GULP1: variants seen among roughly 807,000 people sequenced by gnomAD.
GULP1 encodes the protein GULP PTB domain containing engulfment adaptor 1.
A neutral mutation model predicts 40.9 loss-of-function variants in GULP1; 19 were observed. The observed-to-expected ratio is 0.46, with a 90% CI of 0.32 to 0.68. The LOEUF (loss-of-function observed/expected upper bound fraction) is 0.68, where lower values mean the gene tolerates loss of function less well. GULP1 is among the 30% of genes least tolerant of loss of function. The pLI is 0.03. For synonymous variants in GULP1, 119 were observed against 117.6 expected (o/e 1.01, Z -0.08); for missense variants, 312 against 362.2 (o/e 0.86, Z 1.12).
intron 11 of GULP1, chr2:188,591,831 T>G (rs964525425): frequency 1.6e-4 from 25 of 151,872 alleles, no homozygotes; most frequent in Non-Finnish European, 3.2e-4. Context: ...ATAAGAAAAT[T>G]CATCAAAATC....
chr2:188,400,288 A>C (rs548781789), intron 2 of GULP1, among the ~76,000 whole-genome samples: 1 of 152,246 alleles, frequency 6.6e-6, no homozygotes, highest in African/African-American at 2.4e-5. Context: ...CATTGTATTT[A>C]GGGCCCATCC....
intron 9 of GULP1, chr2:188,582,448 C>T: frequency 2.1e-6 from 1 of 471,736 alleles, no homozygotes; most frequent in South Asian, 1.5e-5. Flanking sequence ...TTTCTTCCAT[C>T]TCTGTCACTC....
intron 2 of GULP1, among the ~76,000 whole-genome samples, chr2:188,431,130 C>T (rs939572664): frequency 1.3e-5 from 2 of 152,030 alleles, no homozygotes; most frequent in East Asian, 1.9e-4. Flanking sequence ...TGAGCTTTTT[C>T]GTTGATTTTT....
At position 188,513,846 on chromosome 2, in the gene GULP1, G is replaced by A. The variant is rs191185390; in HGVS notation, c.91-8910G>A. Among the ~76,000 whole-genome samples the A allele has an allele frequency of 3.3e-5, 5 of 152,098 alleles. No individual in the cohort carries two copies. The East Asian group carries it at 9.7e-4, about 29-fold the overall frequency. On this transcript the variant is annotated intron_variant, in intron 4 of 11. Coordinates refer to ENST00000409830, the MANE Select transcript of GULP1 (RefSeq NM_016315.4). ...CTTGAATAACACTCTTTGATTCAAT[G>A]TTGTTTTATTCCATGTTATTGGTTA...
At position 188,529,107 on chromosome 2, in the gene GULP1, A is replaced by G. The variant is rs1305803984; in HGVS notation, c.173A>G (p.His58Arg). ...ATTTTTCATTCGTAGTTTGCAAGAC[A>G]TATCAAGAAATCTGAAGGCCAGAAA... The part of the protein sequence containing the change: ...DAVRKLKFAR[H>R]IKKSEGQKIP... Residue 58 changes from histidine (H) to arginine (R), a missense_variant, in exon 6 of 12, where the codon CAT (histidine) becomes CGT (arginine). By Grantham distance (29) the His-to-Arg change is conservative. Transcript: ENST00000409830. 6.7e-7 allele frequency: 1 copy of G among 1,488,844 alleles called. No individual in the cohort carries two copies. The highest frequency in any genetic ancestry group is 2.3e-5 in the East Asian group (1 of 43,864). 92.2% of individuals were successfully genotyped at this position (1,488,844 alleles called of 1,614,324 possible).
At chr2:188,541,920 CA>C in intron 7 of GULP1, 1 of 153,152 alleles carries the variant, frequency 6.5e-6, no homozygotes, top group Non-Finnish European at 1.5e-5. Context: ...CCATCCTGAC[CA>C]AAATGGTGAA....
At chr2:188,436,755 G>C (rs1267249359) in intron 2 of GULP1, among the ~76,000 whole-genome samples, 1 of 151,964 alleles carries the variant, frequency 6.6e-6, no homozygotes, top group Non-Finnish European at 1.5e-5. Flanking sequence ...TATGTGTTCT[G>C]TAAGAATATA....
intron 8 of GULP1, chr2:188,569,570 T>A: frequency 2.1e-6 from 1 of 477,964 alleles, no homozygotes; most frequent in Non-Finnish European, 3.7e-6. Context: ...AAGAACTTAG[T>A]GTTCTCATGT....
At chr2:188,445,973 T>A (rs2152892425) in intron 2 of GULP1, among the ~76,000 whole-genome samples, 1 of 152,220 alleles carries the variant, frequency 6.6e-6, no homozygotes, top group African/African-American at 2.4e-5. Context: ...GATCACAGAT[T>A]TACATATGGT....
intron 2 of GULP1, among the ~76,000 whole-genome samples, chr2:188,435,150 C>T (rs984572184): frequency 8.6e-5 from 13 of 151,982 alleles, no homozygotes; most frequent in Non-Finnish European, 1.5e-5. Flanking sequence ...CACTCTTATT[C>T]CAGTTTGTCT....
At chr2:188,477,801 G>T (rs2061136441) in intron 3 of GULP1, 71 bp downstream of exon 3, 1 of 1,188,540 alleles carries the variant, frequency 8.4e-7, no homozygotes, top group Admixed American at 2.3e-5. Flanking sequence ...GCGATGTTAA[G>T]AAATCAGTTT....
chr2:188,372,069 G>A (rs543394883), intron 1 of GULP1, among the ~76,000 whole-genome samples: 6 of 152,168 alleles, frequency 3.9e-5, no homozygotes, highest in East Asian at 1.9e-4. Flanking sequence ...ACTTGTTGTC[G>A]TTGCTGTGAA....
At chr2:188,358,129 C>T (rs1169099826) in intron 1 of GULP1, among the ~76,000 whole-genome samples, 1 of 152,082 alleles carries the variant, frequency 6.6e-6, no homozygotes, top group Non-Finnish European at 1.5e-5. Flanking sequence ...TTCAGTGAGC[C>T]AAGATTGCTC....
chr2:188,574,466 A>C (rs1256797541), intron 9 of GULP1, among the ~76,000 whole-genome samples: 2 of 152,096 alleles, frequency 1.3e-5, no homozygotes, highest in Non-Finnish European at 2.9e-5. Context: ...TCTACCAAAA[A>C]TACAAAAATT....
At chr2:188,295,958 G>T (rs557877202) in intron 1 of GULP1, among the ~76,000 whole-genome samples, 2 of 152,146 alleles carry the variant, frequency 1.3e-5, no homozygotes, top group Non-Finnish European at 2.9e-5. Context: ...TTAGCAGAGT[G>T]ATGTATTTGT....
At chr2:188,507,531 C>T (rs2064054393) in intron 4 of GULP1, among the ~76,000 whole-genome samples, 1 of 150,720 alleles carries the variant, frequency 6.6e-6, no homozygotes, top group Admixed American at 6.7e-5. Context: ...TATTATAATG[C>T]TATGTTCTTG....
chr2:188,512,207 A>T (rs1423082113), intron 4 of GULP1, among the ~76,000 whole-genome samples: 2 of 152,118 alleles, frequency 1.3e-5, no homozygotes, highest in African/African-American at 4.8e-5. Context: ...CCTCAAAGAA[A>T]ATTAGTCCCA....
At chr2:188,403,303 TCTTG>T (rs2052576970) in intron 2 of GULP1, among the ~76,000 whole-genome samples, 1 of 152,180 alleles carries the variant, frequency 6.6e-6, no homozygotes, top group Non-Finnish European at 1.5e-5. Flanking sequence ...AAGGTAAATC[TCTTG>T]TTTTTTTAAT....
At chr2:188,585,269 T>G (rs1702136178) in intron 10 of GULP1, among the ~76,000 whole-genome samples, 2 of 152,234 alleles carry the variant, frequency 1.3e-5, no homozygotes, top group Non-Finnish European at 2.9e-5. Flanking sequence ...TGGCATTGAG[T>G]GACAGGCACA....
Sources: allele counts gnomAD v4.1 joint callset (sites outside exome capture counted in the v4.1 genomes callset), GRCh38; gene constraint gnomAD v4.1.1; transcripts MANE v1.5; gene names NCBI Gene and HGNC (gene_info 2026-07-23, HGNC 2026-07-21).